ATM: variants seen among roughly 807,000 people sequenced by gnomAD.
The protein encoded by ATM is serine-protein kinase ATM.
ATM carries 308 observed loss-of-function variants against 387.0 expected under a neutral mutation model. The observed-to-expected ratio is 0.80, with a 90% CI of 0.73 to 0.87. The LOEUF is 0.87. ATM is among the 40% of genes least tolerant of loss of function. The probability of loss-of-function intolerance (pLI) is 0.00; values close to 1 mark genes in which losing one functional copy is unlikely to be tolerated. For synonymous variants in ATM, 1,156 were observed against 1,187.3 expected, an observed-to-expected ratio of 0.97 and a Z score of 0.54; for missense variants, 3,312 against 3,560.9, an observed-to-expected ratio of 0.93 and a Z score of 1.78.
rs2135797643 is a variant in ATM, at chr11:108,292,635, G to C, written c.4453G>C (p.Asp1485His). 1 of 1,613,818 alleles carries C rather than the reference G, an allele frequency of 6.2e-7. No individual in the cohort carries two copies. Among genetic ancestry groups the C allele is most frequent in the Non-Finnish European group, 8.5e-7 (1 of 1,179,908 alleles). Residue 1485 changes from aspartate (D) to histidine (H), a missense_variant, in exon 30 of 63, where the codon GAT (aspartate) becomes CAT (histidine). Asp to His is a moderately conservative substitution (Grantham distance 81, BLOSUM62 -1). This residue lies in a region of ATM where 1,791 missense variants were observed against 1,804.5 expected (regional missense o/e 0.99). Transcript: ENST00000675843. The part of the protein sequence containing the change: ...YINQRPSCIM[D>H]VSLRSFSLCC... ...CTATATTAGGCCTTCTTGTATCATG[G>C]ATGTGTCATTACGTAGCTTCTCCCT...
At chr11:108,266,659 T>C (rs545249214) in intron 16 of ATM, among the ~76,000 whole-genome samples, 21 of 152,156 alleles carry the variant, frequency 1.4e-4, no homozygotes, top group South Asian at 6.2e-4. Context: ...ATTTTTAAAG[T>C]TTGCATATTA....
intron 33 of ATM, among the ~76,000 whole-genome samples, chr11:108,298,456 C>A (rs1483649448): frequency 2.0e-5 from 3 of 152,186 alleles, no homozygotes; most frequent in Non-Finnish European, 4.4e-5. Flanking sequence ...GACTAAAAAA[C>A]AGAATCTTAC....
chr11:108,280,287 A>G (rs901766661), intron 23 of ATM, among the ~76,000 whole-genome samples: 2 of 152,176 alleles, frequency 1.3e-5, no homozygotes, highest in Non-Finnish European at 2.9e-5. Flanking sequence ...CATCTGCAAA[A>G]AGGGAAAATA....
In ATM at chr11:108,365,545, A is replaced by G; in HGVS notation, c.*37A>G. On this transcript the variant is annotated 3_prime_UTR_variant, in exon 63 of 63. Coordinates refer to ENST00000675843, the MANE Select transcript of ATM (RefSeq NM_000051.4). ...TGAATTACCCTTTCATTCAGCCTTT[A>G]GAAATTATATTTTAGCCTTTATTTT... 6.2e-7 allele frequency: 1 copy of G among 1,600,312 alleles called. No individual in the cohort carries two copies. The highest frequency in any genetic ancestry group is 8.5e-7 in the Non-Finnish European group (1 of 1,171,342).
chr11:108,285,779 C>T (rs1214369705), intron 26 of ATM, among the ~76,000 whole-genome samples: 1 of 152,156 alleles, frequency 6.6e-6, no homozygotes, highest in Admixed American at 6.5e-5. Flanking sequence ...GAAATAGGCA[C>T]TCCAGAGGTT....
rs878853501 is a variant in ATM, at chr11:108,229,309, A to G, written c.317A>G (p.Lys106Arg). 6.2e-7 allele frequency: 1 copy of G among 1,613,592 alleles called. No homozygotes were observed. Among genetic ancestry groups the G allele is most frequent in the Non-Finnish European group, 8.5e-7 (1 of 1,179,684 alleles). ...AGTAGTTTGGTCAAATACTTCATCAAATGTGCAAACAGAAGTAAGTGATGT... is the reference window on the plus strand; with the variant it reads ...AGTAGTTTGGTCAAATACTTCATCAGATGTGCAAACAGAAGTAAGTGATGT... ...EISSLVKYFI[K>R]CANRRAPRLK... Residue 106 changes from lysine to arginine, a missense_variant, in exon 4 of 63, where the codon AAA becomes AGA. Physicochemically the swap from Lys to Arg is conservative, Grantham distance 26. Transcript: ENST00000675843.
At position 108,343,322 on chromosome 11, in the gene ATM, GATAC is replaced by G. The variant is rs1064793046; in HGVS notation, c.8371_8374del (p.Tyr2791GlyfsTer14). The G allele has an allele frequency of 6.2e-7, 1 of 1,614,010 alleles. No individual in the cohort carries two copies. The highest frequency in any genetic ancestry group is 8.5e-7 in the Non-Finnish European group (1 of 1,179,924). On this transcript the variant is annotated frameshift_variant, in exon 57 of 63. Coordinates refer to ENST00000675843, the MANE Select transcript of ATM (RefSeq NM_000051.4). LOFTEE classifies it high-confidence loss of function. ...AACAATGAAGATGGTGCTCATAAAA[GATAC>G]AGGCCAAATGATTTCAGTGCCTTTC...
Position 108,367,411 on chromosome 11 carries a change from G to C in ATM, c.*1903G>C, listed in dbSNP as rs193021589. ...TGTTCTGTTGGAAGGGAAGGGCTTAGGTATCTAGTTTGATACATAGGTAGA... is the reference window on the plus strand; with the variant it reads ...TGTTCTGTTGGAAGGGAAGGGCTTACGTATCTAGTTTGATACATAGGTAGA... On this transcript the variant is annotated 3_prime_UTR_variant, in exon 63 of 63. Transcript: ENST00000675843. 1 of 198,478 alleles carries C rather than the reference G, an allele frequency of 5.0e-6. No individual in the cohort carries two copies. Among genetic ancestry groups the C allele is most frequent in the African/African-American group, 2.3e-5 (1 of 43,354 alleles). 12.3% of individuals were successfully genotyped at this position (198,478 alleles called of 1,614,324 possible).
At chr11:108,286,438 C>T (rs185055081) in intron 26 of ATM, among the ~76,000 whole-genome samples, 1 of 151,968 alleles carries the variant, frequency 6.6e-6, no homozygotes. Context: ...GGGAGTGGGC[C>T]CTGAGCAAGT....
chr11:108,364,764 C>A (rs1053176869), intron 61 of ATM, among the ~76,000 whole-genome samples: 1 of 152,138 alleles, frequency 6.6e-6, no homozygotes, highest in Non-Finnish European at 1.5e-5. Flanking sequence ...AATACACTAA[C>A]CCAGGGTTAA....
At chr11:108,240,790 G>A (rs1018852408) in intron 5 of ATM, among the ~76,000 whole-genome samples, 2 of 152,124 alleles carry the variant, frequency 1.3e-5, no homozygotes, top group Admixed American at 1.3e-4. Context: ...ATATACTACT[G>A]TAGAATTTGT....
At chr11:108,338,275 C>T (rs1273639903) in intron 56 of ATM, among the ~76,000 whole-genome samples, 33 of 152,114 alleles carry the variant, frequency 2.2e-4, no homozygotes, top group Admixed American at 2.1e-3. Context: ...CACTTAAACC[C>T]GGATGGCAGA....
Position 108,299,763 on chromosome 11 carries a change from C to T in ATM, c.5055C>T (p.Thr1685=), listed in dbSNP as rs587780551. 6.8e-6 allele frequency: 11 copies of T among 1,613,794 alleles called. No homozygotes were observed. In the East Asian group the frequency reaches 1.8e-4, roughly 26 times the overall value. The change falls in exon 34 of 63, where the codon ACC becomes ACT. Residue 1685 remains threonine, a synonymous_variant. Transcript: ENST00000675843. ...AAGTGGGTCCTATAGATTTCTCTAC[C>T]ATAGCTATACAACATAGTAAAGATG... ...LGEVGPIDFS[T]IAIQHSKDAS...
At chr11:108,233,393 G>A (rs1360155599) in intron 4 of ATM, among the ~76,000 whole-genome samples, 1 of 151,810 alleles carries the variant, frequency 6.6e-6, no homozygotes, top group Non-Finnish European at 1.5e-5. Flanking sequence ...AACATGGTGA[G>A]ACCTCATCTC....
intron 59 of ATM, among the ~76,000 whole-genome samples, chr11:108,347,654 G>A (rs1484835875): frequency 1.3e-5 from 2 of 152,054 alleles, no homozygotes; most frequent in Non-Finnish European, 2.9e-5. Flanking sequence ...AGGAATCAGG[G>A]CTATTCCACC....
At chr11:108,229,083 A>T (rs891403562) in intron 3 of ATM, 95 bp from the exon 4 acceptor site, 1 of 1,302,436 alleles carries the variant, frequency 7.7e-7, no homozygotes, top group East Asian at 2.5e-5. Context: ...AAGGTGGTTT[A>T]AAAGTTGCTC....
intron 28 of ATM, 117 bp from the exon 29 acceptor site, chr11:108,289,485 T>C (rs1398625568): frequency 2.5e-6 from 2 of 800,638 alleles, no homozygotes; most frequent in African/African-American, 3.5e-5. Context: ...TGTTATTTAG[T>C]TATTTTAAAT....
At position 108,284,405 on chromosome 11, in the gene ATM, G is replaced by A. The variant is rs149711770; in HGVS notation, c.3925G>A (p.Ala1309Thr). The A allele has an allele frequency of 1.1e-3, 1,832 of 1,613,892 alleles. No individual in the cohort carries two copies. The highest frequency in any genetic ancestry group is 1.5e-3 in the Non-Finnish European group (1,738 of 1,179,894). ...TGAGGGTACCAGAGACAGTGGGATG[G>A]CACAGCAAAGAGAGACTGCTACCAA... ...AYEGTRDSGM[A>T]QQRETATKVY... Residue 1309 changes from alanine (A) to threonine (T), a missense_variant, in exon 26 of 63, where the codon GCA (alanine) becomes ACA (threonine). Ala to Thr is a moderately conservative substitution (Grantham distance 58). Coordinates refer to ENST00000675843, the MANE Select transcript of ATM (RefSeq NM_000051.4).
In ATM at chr11:108,279,584, A is replaced by G. The variant is rs149182949; in HGVS notation, c.3378A>G (p.Lys1126=). 4.8e-5 allele frequency: 77 copies of G among 1,612,216 alleles called. No individual in the cohort carries two copies. Among genetic ancestry groups the G allele is most frequent in the Non-Finnish European group, 6.4e-5 (75 of 1,178,490 alleles). The change falls in exon 23 of 63, where the codon AAA becomes AAG. Residue 1126 remains lysine (K), a synonymous_variant. Transcript: ENST00000675843. ...QQTAFENAYL[K]AQEGMREMSH... ...CAGCTTTTGAAAATGCATACTTGAA[A>G]GCTCAGGAAGGAATGAGAGAAATGG...
Sources: allele counts gnomAD v4.1 joint callset (sites outside exome capture counted in the v4.1 genomes callset), GRCh38; gene constraint gnomAD v4.1.1; regional missense constraint gnomAD v4.1.1; transcripts MANE v1.5; gene names NCBI Gene and HGNC (gene_info 2026-07-23, HGNC 2026-07-21).